TAFA5: variants seen among roughly 807,000 people sequenced by gnomAD.
TAFA5 encodes the protein TAFA chemokine like family member 5.
In TAFA5, 6 loss-of-function variants were observed where a neutral mutation model predicts 15.3. That is an observed-to-expected ratio of 0.39 (90% CI 0.21 to 0.77). TAFA5 has a LOEUF of 0.77. Among genes scored for constraint, TAFA5 ranks in the 30% least tolerant of loss-of-function variants. The pLI, the probability that TAFA5 is intolerant of heterozygous loss-of-function variation, is 0.41. For synonymous variants in TAFA5, 103 were observed against 80.7 expected (o/e 1.28, Z -1.48); for missense variants, 161 against 193.1 (o/e 0.83, Z 0.98).
intron 1 of TAFA5, among the ~76,000 whole-genome samples, chr22:48,522,894 C>T (rs1021796912): frequency 3.3e-5 from 5 of 152,372 alleles, no homozygotes; most frequent in Admixed American, 6.5e-5. Context: ...CTGTCCACCA[C>T]GTCCCTGTCC....
chr22:48,727,643 A>T (rs1929751071), intron 3 of TAFA5, among the ~76,000 whole-genome samples: 1 of 152,248 alleles, frequency 6.6e-6, no homozygotes, highest in South Asian at 2.1e-4. Flanking sequence ...AGTCTCCTCT[A>T]TTAAAAAGCA....
intron 1 of TAFA5, among the ~76,000 whole-genome samples, chr22:48,616,085 ATTCTCTGGGACCC>A (rs1925593827): frequency 6.6e-6 from 1 of 151,742 alleles, no homozygotes; most frequent in Non-Finnish European, 1.5e-5. Context: ...TGGTGTGCTG[ATTCTCTGGGACCC>A]TGGAGCTGGG....
chr22:48,743,508 A>G (rs1036904823), intron 3 of TAFA5, among the ~76,000 whole-genome samples: 2 of 152,230 alleles, frequency 1.3e-5, no homozygotes, highest in African/African-American at 4.8e-5. Context: ...GTATGGGGTC[A>G]GGATCTTCAT....
chr22:48,723,369 A>G (rs1201332043), intron 3 of TAFA5, among the ~76,000 whole-genome samples: 2 of 152,150 alleles, frequency 1.3e-5, no homozygotes, highest in Non-Finnish European at 2.9e-5. Context: ...AACCCAAGAT[A>G]TGGCGGGTGG....
At chr22:48,718,961 G>C (rs755466635) in intron 3 of TAFA5, among the ~76,000 whole-genome samples, 7 of 152,194 alleles carry the variant, frequency 4.6e-5, no homozygotes, top group Non-Finnish European at 7.4e-5. Context: ...CCATCTGTCT[G>C]TCCCCATGTC....
intron 2 of TAFA5, among the ~76,000 whole-genome samples, chr22:48,658,150 A>G (rs937565978): frequency 6.9e-6 from 1 of 145,002 alleles, no homozygotes; most frequent in East Asian, 2.2e-4. Flanking sequence ...GGAAGGGTGC[A>G]TGGGGTCTGC....
intron 1 of TAFA5, among the ~76,000 whole-genome samples, chr22:48,588,707 G>A (rs1924450180): frequency 6.6e-6 from 1 of 152,178 alleles, no homozygotes; most frequent in Non-Finnish European, 1.5e-5. Flanking sequence ...CCCGGTTGGG[G>A]CAGGGCAGGG....
intron 2 of TAFA5, among the ~76,000 whole-genome samples, chr22:48,679,090 C>T (rs547552902): frequency 0.82 from 8,284 of 10,132 alleles, 3,222 homozygotes; most frequent in East Asian, 0.86. Flanking sequence ...ATCCCTCTCC[C>T]GGCTCCCTGT....
rs373127573 is a variant in TAFA5, at chr22:48,743,495, C to G, written c.391-6344C>G. Reference sequence around the variant, plus strand: ...CTGCTGCCAAGTAAGACCCCATGCACAGGTATGGGGTCAGGATCTTCATGT... The same window carrying G: ...CTGCTGCCAAGTAAGACCCCATGCAGAGGTATGGGGTCAGGATCTTCATGT... On this transcript the variant is annotated intron_variant, in intron 3 of 3. Transcript: ENST00000402357. Among the ~76,000 whole-genome samples the G allele has an allele frequency of 9.2e-5, 14 of 152,326 alleles. No homozygotes were observed. In the East Asian group the frequency reaches 2.5e-3, roughly 27 times the overall value.
intron 3 of TAFA5, among the ~76,000 whole-genome samples, chr22:48,748,090 A>C (rs1209138945): frequency 2.0e-5 from 3 of 152,124 alleles, no homozygotes; most frequent in East Asian, 1.9e-4. Flanking sequence ...CACGCGCTCC[A>C]CAGGCTCAGG....
intron 1 of TAFA5, among the ~76,000 whole-genome samples, chr22:48,551,496 C>T (rs894992876): frequency 9.9e-5 from 15 of 152,190 alleles, no homozygotes; most frequent in Non-Finnish European, 2.9e-5. Context: ...GATGGCGGCT[C>T]GCTGGTTTTC....
intron 3 of TAFA5, among the ~76,000 whole-genome samples, chr22:48,721,117 G>T (rs1334159544): frequency 6.6e-6 from 1 of 152,206 alleles, no homozygotes; most frequent in Admixed American, 6.5e-5. Context: ...ATCTCGATGG[G>T]TGAGGCTTTG....
At position 48,678,833 on chromosome 22, in the gene TAFA5, CT is replaced by C. The variant is rs1928062337; in HGVS notation, c.263-28883del. ...CAGGGTGTAAGGACAGAAGAAACTT[CT>C]CACATGTTGGAAGCCTGTCTCTGAG... On this transcript the variant is annotated intron_variant, in intron 2 of 3. Transcript: ENST00000402357. Among the ~76,000 whole-genome samples, 3 of 151,840 alleles carry C rather than the reference CT, an allele frequency of 2.0e-5. No homozygotes were observed. The South Asian group carries it at 6.3e-4, about 32-fold the overall frequency.
intron 1 of TAFA5, among the ~76,000 whole-genome samples, chr22:48,511,852 C>T (rs918352521): frequency 2.0e-5 from 3 of 152,222 alleles, no homozygotes; most frequent in African/African-American, 4.8e-5. Flanking sequence ...CCCCCGAAGC[C>T]GAGGCTGATG....
At chr22:48,495,246 G>A (rs1317067332) in intron 1 of TAFA5, among the ~76,000 whole-genome samples, 3 of 152,214 alleles carry the variant, frequency 2.0e-5, no homozygotes, top group Non-Finnish European at 2.9e-5. Flanking sequence ...AGCTGGAGAC[G>A]TGGCTTCCAG....
chr22:48,633,993 G>A (rs938662755), intron 1 of TAFA5, among the ~76,000 whole-genome samples: 3 of 152,056 alleles, frequency 2.0e-5, no homozygotes, highest in Non-Finnish European at 4.4e-5. Flanking sequence ...CAGAGGGCCT[G>A]GGGTCACAGG....
At chr22:48,626,818 T>C (rs1443507679) in intron 1 of TAFA5, among the ~76,000 whole-genome samples, 3 of 152,240 alleles carry the variant, frequency 2.0e-5, no homozygotes, top group Non-Finnish European at 4.4e-5. Context: ...TTCATATTAT[T>C]GTGTTTCGTC....
intron 2 of TAFA5, among the ~76,000 whole-genome samples, chr22:48,671,141 G>A (rs893899283): frequency 1.3e-5 from 2 of 152,166 alleles, no homozygotes; most frequent in Non-Finnish European, 2.9e-5. Flanking sequence ...CAGACATGCA[G>A]GAAACCTGTG....
chr22:48,577,566 G>A (rs1245961005), intron 1 of TAFA5, among the ~76,000 whole-genome samples: 1 of 152,234 alleles, frequency 6.6e-6, no homozygotes, highest in African/African-American at 2.4e-5. Context: ...TGGCTGGTAA[G>A]GCGCTGGGTT....
Sources: gnomAD v4.1 joint callset for allele counts (sites outside exome capture counted in the v4.1 genomes callset) on GRCh38, gnomAD v4.1.1 for gene constraint, MANE v1.5 for transcripts, NCBI Gene and HGNC (gene_info 2026-07-23, HGNC 2026-07-21) for gene names.